The following PSG8 variants were observed in gnomAD, a reference collection of about 807,000 sequenced individuals.
PSG8 encodes pregnancy-specific beta-1-glycoprotein 8.
A neutral mutation model predicts 42.5 loss-of-function variants in PSG8; 57 were observed. That is an observed-to-expected ratio of 1.34 (90% CI 1.08 to 1.67). The LOEUF (loss-of-function observed/expected upper bound fraction) is 1.67, where lower values mean the gene tolerates loss of function less well. PSG8 is among the 40% of genes most tolerant of loss of function. The pLI is 0.00. For synonymous variants in PSG8, 280 were observed against 196.8 expected (o/e 1.42, Z -3.54); for missense variants, 783 against 518.6 (o/e 1.51, Z -4.95).
In PSG8 at chr19:42,765,590, C is replaced by G. The variant is rs746461659; in HGVS notation, c.-9G>C. 2 of 1,610,150 alleles carry G rather than the reference C, an allele frequency of 1.2e-6. No homozygotes were observed. Among genetic ancestry groups the G allele is most frequent in the South Asian group, 1.1e-5 (1 of 91,030 alleles). On this transcript the variant is annotated 5_prime_UTR_variant, in exon 1 of 5. Coordinates refer to ENST00000306511, the MANE Select transcript of PSG8 (RefSeq NM_182707.3). ...GCTGAGAGGAGCCCCATGGTCTCTG[C>G]TGTCTGTGTGTTCTCCTCTGTGGAG...
intron 2 of PSG8, among the ~76,000 whole-genome samples, chr19:42,760,488 T>G (rs562838199): frequency 2.0e-5 from 3 of 152,324 alleles, no homozygotes; most frequent in Admixed American, 6.5e-5. Context: ...GTTTCAGTTT[T>G]GGAAGTTTCT....
intron 2 of PSG8, among the ~76,000 whole-genome samples, chr19:42,761,701 T>A (rs56138066): frequency 2.0e-5 from 3 of 149,704 alleles, no homozygotes; most frequent in Admixed American, 1.3e-4. Context: ...TACCCTTGAA[T>A]ATCTCTAACC....
chr19:42,753,109 T>G, downstream of PSG8: 1 of 634,450 alleles, frequency 1.6e-6, no homozygotes. Flanking sequence ...AGTCTTGTTC[T>G]GACATCTTGG....
intron 2 of PSG8, among the ~76,000 whole-genome samples, chr19:42,759,874 A>G (rs962439100): frequency 2.6e-5 from 4 of 152,282 alleles, no homozygotes; most frequent in Admixed American, 1.3e-4. Flanking sequence ...GCAGGATCAC[A>G]TTATGCTCAA....
At chr19:42,753,420 C>G (rs753117226), downstream of PSG8, 1 of 777,334 alleles carries the variant, frequency 1.3e-6, no homozygotes, top group Non-Finnish European at 2.4e-6. Flanking sequence ...AACAGAGATG[C>G]AATCTCATAA....
At chr19:42,761,782 G>A (rs1307059896) in intron 2 of PSG8, among the ~76,000 whole-genome samples, 12 of 136,772 alleles carry the variant, frequency 8.8e-5, no homozygotes, top group East Asian at 4.4e-4. Flanking sequence ...ACTTGGAGTC[G>A]TTAAAATCTT....
At position 42,758,032 on chromosome 19, in the gene PSG8, G is replaced by T; in HGVS notation, c.679C>A (p.Arg227Ser). Residue 227 changes from arginine (R) to serine (S), a missense_variant, in exon 3 of 5, where the codon CGC becomes AGC. Coordinates refer to ENST00000306511, the MANE Select transcript of PSG8 (RefSeq NM_182707.3). ...CEIRNPVSAS[R>S]SDPFTLNLLP... ...AGATTCAGGGTGAATGGGTCACTGC[G>T]GCTGGCACTCACTGGGTTCCGTATT... 6.2e-7 allele frequency: 1 copy of T among 1,614,040 alleles called. No homozygotes were observed. Among genetic ancestry groups the T allele is most frequent in the Non-Finnish European group, 8.5e-7 (1 of 1,179,956 alleles).
Position 42,758,004 on chromosome 19 carries a change from A to T in PSG8, c.707T>A (p.Leu236His), listed in dbSNP as rs756654089. ...SRSDPFTLNL[L>H]PKLPKPYITI... ...ACAGAGGAACAGAAAATACTCACGGAGGAGATTCAGGGTGAATGGGTCACT... is the reference window on the plus strand; with the variant it reads ...ACAGAGGAACAGAAAATACTCACGGTGGAGATTCAGGGTGAATGGGTCACT... Residue 236 changes from leucine to histidine, a missense_variant and splice_region_variant, in exon 3 of 5, where the codon CTC becomes CAC. Leu to His is a moderately conservative substitution (Grantham distance 99). Coordinates refer to ENST00000306511, the MANE Select transcript of PSG8 (RefSeq NM_182707.3). The T allele has an allele frequency of 6.2e-7, 1 of 1,614,006 alleles. No homozygotes were observed. Among genetic ancestry groups the T allele is most frequent in the Non-Finnish European group, 8.5e-7 (1 of 1,179,956 alleles).
intron 2 of PSG8, 198 bp downstream of exon 2, chr19:42,763,718 G>A: frequency 9.4e-7 from 1 of 1,062,346 alleles, no homozygotes; most frequent in Non-Finnish European, 1.4e-6. Flanking sequence ...GTGTCTGCAG[G>A]GTCTGGATGC....
In PSG8 at chr19:42,754,508, C is replaced by G. The variant is rs747690807; in HGVS notation, c.1068G>C (p.Ala356=). 1.9e-6 allele frequency: 3 copies of G among 1,613,636 alleles called. No homozygotes were observed. Among genetic ancestry groups the G allele is most frequent in the African/African-American group, 2.7e-5 (2 of 74,842 alleles). ...AATACTGTGCCGGTGGGTTAGAGTC[C>G]GCAGAACAGGACAAGTAGAGGACTT... ...SGEVLYLSCS[A]DSNPPAQYSW... The change falls in exon 5 of 5, where the codon GCG becomes GCC. Residue 356 remains alanine, a synonymous_variant. Coordinates refer to ENST00000306511, the MANE Select transcript of PSG8 (RefSeq NM_182707.3).
intron 3 of PSG8, chr19:42,755,514 G>A: frequency 1.2e-6 from 1 of 823,192 alleles, no homozygotes; most frequent in Non-Finnish European, 1.8e-6. Context: ...TTGGGTCATG[G>A]ACAGACACGT....
rs1360288263 is a variant in PSG8, at chr19:42,763,809, T to G, written c.430+107A>C. On this transcript the variant is annotated intron_variant, in intron 2 of 4. Coordinates refer to ENST00000306511, the MANE Select transcript of PSG8 (RefSeq NM_182707.3). The stretch of plus-strand genomic sequence containing the variant: ...AATGCCCAAACCCCAGCATGGGACA[T>G]AATGCAGAGAGGGACACAGGCAATG... 4.4e-6 allele frequency: 7 copies of G among 1,582,904 alleles called. No individual in the cohort carries two copies. In the Admixed American group the frequency reaches 1.2e-4, roughly 26 times the overall value.
In PSG8 at chr19:42,758,031, C is replaced by G; in HGVS notation, c.680G>C (p.Arg227Pro). 1 of 1,613,978 alleles carries G rather than the reference C, an allele frequency of 6.2e-7. No individual in the cohort carries two copies. Among genetic ancestry groups the G allele is most frequent in the Non-Finnish European group, 8.5e-7 (1 of 1,179,936 alleles). The change falls in exon 3 of 5, where the codon CGC (arginine) becomes CCC (proline). Residue 227 changes from arginine (R) to proline (P), a missense_variant. Arg to Pro is a moderately radical substitution (Grantham distance 103). Transcript: ENST00000306511. The stretch of plus-strand genomic sequence containing the variant: ...GAGATTCAGGGTGAATGGGTCACTG[C>G]GGCTGGCACTCACTGGGTTCCGTAT... ...CEIRNPVSAS[R>P]SDPFTLNLLP... is the part of the protein sequence containing the mutation.
intron 2 of PSG8, chr19:42,758,866 C>T (rs1366466791): frequency 6.3e-6 from 1 of 159,128 alleles, no homozygotes; most frequent in Non-Finnish European, 1.4e-5. Flanking sequence ...CAAGGTGGCG[C>T]AGTTTTCCCA....
chr19:42,754,067 AC>A, downstream of PSG8: 2 of 1,079,304 alleles, frequency 1.9e-6, no homozygotes, highest in Non-Finnish European at 2.6e-6. Context: ...AATCATAAAA[AC>A]ATTATCCTCA....
rs545164644 is a variant in PSG8 at position 42,754,796 on chromosome 19, G to A, written c.988+192C>T. Reference sequence around the variant, plus strand: ...GCCCCAAGTCTCCCATGACAAGAGCGTCCACTCCCCTTATACTCTTGGTTA... The same window carrying A: ...GCCCCAAGTCTCCCATGACAAGAGCATCCACTCCCCTTATACTCTTGGTTA... On this transcript the variant is annotated intron_variant, in intron 4 of 4. Transcript: ENST00000306511. The A allele has an allele frequency of 6.8e-5, 97 of 1,435,314 alleles. No individual in the cohort carries two copies. In the South Asian group the frequency reaches 9.5e-4, roughly 14 times the overall value. The allele number at this position is 1,435,314 out of a possible 1,614,324, so 88.9% of individuals were successfully genotyped here.
Position 42,754,512 on chromosome 19 carries a change from G to C in PSG8, c.1064C>G (p.Ser355Cys). The change falls in exon 5 of 5, where the codon TCT (serine) becomes TGT (cysteine). Residue 355 changes from serine to cysteine, a missense_variant. Coordinates refer to ENST00000306511, the MANE Select transcript of PSG8 (RefSeq NM_182707.3). ...RSGEVLYLSCSADSNPPAQYS... is the reference protein window; with the variant it reads ...RSGEVLYLSCCADSNPPAQYS... ...CTGTGCCGGTGGGTTAGAGTCCGCA[G>C]AACAGGACAAGTAGAGGACTTCTCC... 6.2e-7 allele frequency: 1 copy of C among 1,613,846 alleles called. No individual in the cohort carries two copies. Among genetic ancestry groups the C allele is most frequent in the Non-Finnish European group, 8.5e-7 (1 of 1,179,852 alleles).
intron 2 of PSG8, among the ~76,000 whole-genome samples, chr19:42,760,883 G>A (rs187952941): frequency 6.6e-6 from 1 of 152,150 alleles, no homozygotes; most frequent in Non-Finnish European, 1.5e-5. Flanking sequence ...AGCCATCTCT[G>A]AGGGAGTTTA....
chr19:42,757,909 G>A lies in PSG8; in HGVS notation c.709+93C>T, dbSNP rs142515141. 2.4e-4 allele frequency: 395 copies of A among 1,613,078 alleles called. 3 individuals carry two copies. The African/African-American group carries it at 4.5e-3, about 18-fold the overall frequency. On this transcript the variant is annotated intron_variant, in intron 3 of 4. Transcript: ENST00000306511. ...TTGATGTCCAGGGGTAAAGGTCTCTGTACTTGGACCTGAGAGGGACTGAGA... is the reference window on the plus strand; with the variant it reads ...TTGATGTCCAGGGGTAAAGGTCTCTATACTTGGACCTGAGAGGGACTGAGA...
Sources: gnomAD v4.1 joint callset for allele counts (sites outside exome capture counted in the v4.1 genomes callset) on GRCh38, gnomAD v4.1.1 for gene constraint, MANE v1.5 for transcripts, NCBI Gene and HGNC (gene_info 2026-07-23, HGNC 2026-07-21) for gene names.